Variants in SCFD2 observed in about 807,000 individuals in gnomAD.
SCFD2 encodes the protein sec1 family domain containing 2.
SCFD2 carries 54 observed loss-of-function variants against 58.9 expected under a neutral mutation model. The ratio of observed to expected loss-of-function variants is 0.92; its 90% CI spans 0.74 to 1.15. SCFD2 has a LOEUF of 1.15. Among genes scored for constraint, SCFD2 ranks in the 50% most tolerant of loss-of-function variants. SCFD2 has a pLI of 0.00. For missense variants in SCFD2, 805 were observed against 836.6 expected (o/e 0.96, Z 0.47); for synonymous variants, 321 against 335.9 (o/e 0.96, Z 0.49).
intron 5 of SCFD2, among the ~76,000 whole-genome samples, chr4:53,075,563 T>C (rs1453108150): frequency 1.3e-5 from 2 of 152,180 alleles, no homozygotes. Context: ...GTAAGGGACA[T>C]GTCATCTTTT....
At chr4:52,960,085 T>C (rs889314215) in intron 5 of SCFD2, among the ~76,000 whole-genome samples, 7 of 152,208 alleles carry the variant, frequency 4.6e-5, no homozygotes, top group Admixed American at 3.9e-4. Flanking sequence ...CCCCTAAAAA[T>C]GTCCCTCTCA....
At chr4:53,099,508 G>A (rs184170750) in intron 5 of SCFD2, among the ~76,000 whole-genome samples, 27 of 152,278 alleles carry the variant, frequency 1.8e-4, no homozygotes, top group Admixed American at 1.3e-3. Flanking sequence ...GGTTCTGCAG[G>A]TTGTACAAGA....
chr4:52,991,638 C>T (rs1468543402), intron 5 of SCFD2, among the ~76,000 whole-genome samples: 2 of 152,136 alleles, frequency 1.3e-5, no homozygotes, highest in Admixed American at 6.5e-5. Context: ...CACATCTGAG[C>T]AGAACATCCT....
intron 4 of SCFD2, among the ~76,000 whole-genome samples, chr4:53,195,826 C>A (rs1728042163): frequency 6.6e-6 from 1 of 152,074 alleles, no homozygotes; most frequent in African/African-American, 2.4e-5. Flanking sequence ...TGGCAATTTC[C>A]AAGATATTAA....
At chr4:53,001,341 T>C (rs755773795) in intron 5 of SCFD2, among the ~76,000 whole-genome samples, 3 of 152,234 alleles carry the variant, frequency 2.0e-5, no homozygotes, top group Non-Finnish European at 4.4e-5. Flanking sequence ...CTGAAGAATT[T>C]ACATTGGAGG....
At chr4:53,230,443 C>T (rs1341966207) in intron 4 of SCFD2, among the ~76,000 whole-genome samples, 11 of 151,834 alleles carry the variant, frequency 7.2e-5, no homozygotes, top group African/African-American at 1.7e-4. Context: ...TATGCAGCCA[C>T]AAAAAAGGAT....
At chr4:52,906,411 T>C (rs924526706) in intron 7 of SCFD2, among the ~76,000 whole-genome samples, 1 of 152,250 alleles carries the variant, frequency 6.6e-6, no homozygotes. Flanking sequence ...CTAGCCACCA[T>C]GAAGGGCTAC....
intron 5 of SCFD2, among the ~76,000 whole-genome samples, chr4:53,138,951 G>A (rs534035095): frequency 2.8e-5 from 4 of 144,208 alleles, no homozygotes; most frequent in African/African-American, 1.0e-4. Context: ...CCGCCATCTC[G>A]GCTCACTGCA....
intron 4 of SCFD2, among the ~76,000 whole-genome samples, chr4:53,260,480 G>A (rs1255005946): frequency 6.6e-6 from 1 of 152,186 alleles, no homozygotes; most frequent in Non-Finnish European, 1.5e-5. Flanking sequence ...CATCTACTGA[G>A]ATGATCATGT....
At chr4:52,956,518 TTCTC>T in intron 5 of SCFD2, 1 of 306,508 alleles carries the variant, frequency 3.3e-6, no homozygotes, top group Non-Finnish European at 6.4e-6. Context: ...CTCTTGTCTC[TTCTC>T]TCTAAGGCTC....
At chr4:52,880,762 T>C (rs1718591901) in intron 8 of SCFD2, among the ~76,000 whole-genome samples, 1 of 152,254 alleles carries the variant, frequency 6.6e-6, no homozygotes, top group East Asian at 1.9e-4. Flanking sequence ...GGCCTTCCCC[T>C]TTTTCCTGAG....
intron 5 of SCFD2, among the ~76,000 whole-genome samples, chr4:52,971,503 A>G (rs537630738): frequency 6.6e-6 from 1 of 152,354 alleles, no homozygotes; most frequent in Admixed American, 6.5e-5. Context: ...CCTCCAAGAA[A>G]TATGGGACTA....
rs139546582 is a variant in SCFD2 at position 53,324,843 on chromosome 4, A to G, written c.1008-11080T>C. 3.5e-4 allele frequency among the ~76,000 whole-genome samples: 54 copies of G among 152,306 alleles called. No homozygotes were observed. The East Asian group carries it at 9.1e-3, about 26-fold the overall frequency. ...CTCATTCCCTGACTAGTTGTTTGCT[A>G]TTTCTAGACTCCAGGTGCCAGAGCA... is the stretch of plus-strand genomic sequence containing the variant. On this transcript the variant is annotated intron_variant, in intron 2 of 8. Coordinates refer to ENST00000401642, the MANE Select transcript of SCFD2 (RefSeq NM_152540.4).
chr4:53,038,694 GTTT>G (rs879685463), intron 5 of SCFD2, among the ~76,000 whole-genome samples: 2 of 140,286 alleles, frequency 1.4e-5, no homozygotes, highest in Non-Finnish European at 1.6e-5. Context: ...AAAGTTTTTT[GTTT>G]TTTTTTTTTT....
intron 4 of SCFD2, among the ~76,000 whole-genome samples, chr4:53,248,706 G>C (rs914409756): frequency 6.6e-6 from 1 of 152,132 alleles, no homozygotes; most frequent in Non-Finnish European, 1.5e-5. Flanking sequence ...GTCTGGAGTA[G>C]ACCTCTAGCA....
chr4:53,175,796 C>G (rs1400662001), intron 4 of SCFD2, among the ~76,000 whole-genome samples: 2 of 152,152 alleles, frequency 1.3e-5, no homozygotes, highest in African/African-American at 2.4e-5. Flanking sequence ...AGGCTCTCTC[C>G]TCATCTATAA....
At chr4:53,118,084 A>T (rs1725375250) in intron 5 of SCFD2, among the ~76,000 whole-genome samples, 2 of 152,222 alleles carry the variant, frequency 1.3e-5, no homozygotes, top group Non-Finnish European at 1.5e-5. Context: ...CATGGACACA[A>T]ACACAATGTG....
intron 5 of SCFD2, among the ~76,000 whole-genome samples, chr4:52,941,328 C>T (rs376814373): frequency 2.6e-5 from 4 of 152,144 alleles, no homozygotes; most frequent in East Asian, 1.9e-4. Context: ...AATGTTAGAA[C>T]GTAATAAGTA....
intron 5 of SCFD2, among the ~76,000 whole-genome samples, chr4:53,044,145 A>G (rs1722967672): frequency 6.6e-6 from 1 of 152,112 alleles, no homozygotes; most frequent in East Asian, 1.9e-4. Flanking sequence ...GGGCACTAGG[A>G]CCTGGCCATT....
Sources: gnomAD v4.1 joint callset for allele counts (sites outside exome capture counted in the v4.1 genomes callset) on GRCh38, gnomAD v4.1.1 for gene constraint, MANE v1.5 for transcripts, NCBI Gene and HGNC (gene_info 2026-07-23, HGNC 2026-07-21) for gene names.